Variants in CKAP2 observed in about 807,000 individuals in gnomAD.
CKAP2 encodes cytoskeleton associated protein 2, also known as cytoskeleton-associated protein 2.
CKAP2 carries 46 observed loss-of-function variants against 58.4 expected under a neutral mutation model. The ratio of observed to expected loss-of-function variants is 0.79; its 90% CI spans 0.62 to 1.01. The LOEUF is 1.01. Among genes scored for constraint, CKAP2 ranks in the 50% least tolerant of loss-of-function variants. The pLI is 0.00. For missense variants in CKAP2, 809 were observed against 796.4 expected (o/e 1.02, Z -0.19); for synonymous variants, 293 against 280.9 (o/e 1.04, Z -0.43).
At position 52,461,129 on chromosome 13, in the gene CKAP2, T is replaced by C. The variant is rs925451353; in HGVS notation, c.303T>C (p.Pro101=). ...CAGTGGTGGGGAAACATTGTATTCC[T>C]TTAAAACCTTCAAATGAACTAACCA... ...NNTVVGKHCI[P]LKPSNELTNS... is the part of the protein sequence containing the mutation. Residue 101 remains proline (P), a synonymous_variant, in exon 4 of 9, where the codon CCT becomes CCC. Transcript: ENST00000258607. 6.2e-7 allele frequency: 1 copy of C among 1,612,606 alleles called. No homozygotes were observed. Among genetic ancestry groups the C allele is most frequent in the African/African-American group, 1.3e-5 (1 of 74,854 alleles).
Position 52,468,332 on chromosome 13 carries a change from GA to G in CKAP2, c.1536del (p.Ala513LeufsTer3). 6.3e-7 allele frequency: 1 copy of G among 1,593,690 alleles called. No homozygotes were observed. The highest frequency in any genetic ancestry group is 8.6e-7 in the Non-Finnish European group (1 of 1,168,724). On this transcript the variant is annotated frameshift_variant, in exon 7 of 9. Transcript: ENST00000258607. LOFTEE classifies it high-confidence loss of function. ...AGATATTCTAACAATGAAGAGTCAA[GA>G]AAAAGCTAATTTAGGTAAGTTTTAG... ...IVDILTMKSQ[E>X]KANLGENMEK...
rs776001339 is a variant in CKAP2 at position 52,461,058 on chromosome 13, G to T, written c.232G>T (p.Ala78Ser). 1.8e-5 allele frequency: 29 copies of T among 1,599,144 alleles called. No homozygotes were observed. Among genetic ancestry groups the T allele is most frequent in the Middle Eastern group, 1.7e-4 (1 of 5,966 alleles). Residue 78 changes from alanine (A) to serine (S), a missense_variant and splice_region_variant, in exon 4 of 9, where the codon GCT (alanine) becomes TCT (serine). Around this residue, in one of 3 missense-constraint regions of CKAP2, gnomAD observed 523 missense variants for 492.4 expected, o/e 1.06. Transcript: ENST00000258607. Reference sequence around the variant, plus strand: ...CACTTTTCTTAAATAATTCTTTCAGGCTGATAAAGAAAACATGAAGAGACC... The same window carrying T: ...CACTTTTCTTAAATAATTCTTTCAGTCTGATAAAGAAAACATGAAGAGACC... ...TKVLKLKTKM[A>S]DKENMKRPAE...
rs765648768 is a variant in CKAP2, at chr13:52,462,448, G to C, written c.1186G>C (p.Gly396Arg). The change falls in exon 5 of 9, where the codon GGA becomes CGA. Residue 396 changes from glycine (G) to arginine (R), a missense_variant. Gly to Arg is a moderately radical substitution (Grantham distance 125). This residue lies in a region of CKAP2 where 523 missense variants were observed against 492.4 expected (regional missense o/e 1.06). Transcript: ENST00000258607. ...NSVVTQHEPA[G>R]QNEKPVGSFW... ...AGTAGTTACTCAGCATGAGCCTGCA[G>C]GACAAAATGAAAAACCAGTTGGGTC... is the stretch of plus-strand genomic sequence containing the variant. 1 of 1,614,108 alleles carries C rather than the reference G, an allele frequency of 6.2e-7. No homozygotes were observed.
rs753994419 is a variant in CKAP2, at chr13:52,473,957, C to T, written c.1675C>T (p.Gln559Ter). The change falls in exon 8 of 9, where the codon CAA (glutamine) becomes TAA (stop). Residue 559 changes from glutamine (Q) to a stop codon, truncating the protein, a stop_gained. Transcript: ENST00000258607. LOFTEE classifies it high-confidence loss of function. The stretch of plus-strand genomic sequence containing the variant: ...TAAACTTCATAGAAATTTGCTATTT[C>T]AAGATTGTGAAAAAGAGCAAGACAA... ...ESKLHRNLLF[Q>*]DCEKEQDNKT... 6.2e-7 allele frequency: 1 copy of T among 1,613,936 alleles called. No homozygotes were observed. The highest frequency in any genetic ancestry group is 8.5e-7 in the Non-Finnish European group (1 of 1,179,966).
chr13:52,476,007 T>C lies in CKAP2; in HGVS notation c.*866T>C, dbSNP rs1475053177. On this transcript the variant is annotated 3_prime_UTR_variant, in exon 9 of 9. Coordinates refer to ENST00000258607, the MANE Select transcript of CKAP2 (RefSeq NM_018204.5). ...AAGATAACTGATACTAATACTTGTTTTCTTCCCTATAACATAAAAAACTTC... is the reference window on the plus strand; with the variant it reads ...AAGATAACTGATACTAATACTTGTTCTCTTCCCTATAACATAAAAAACTTC... 6.6e-6 allele frequency: 1 copy of C among 152,212 alleles called. No homozygotes were observed. Among genetic ancestry groups the C allele is most frequent in the Non-Finnish European group, 1.5e-5 (1 of 68,046 alleles). The allele number at this position is 152,212 out of a possible 1,614,324, so 9.4% of individuals were successfully genotyped here.
chr13:52,474,755 T>C (rs562748269), intron 8 of CKAP2, 140 bp from the exon 9 acceptor site: 19 of 788,238 alleles, frequency 2.4e-5, no homozygotes, highest in Non-Finnish European at 3.1e-5. Context: ...TCGGTGAGCT[T>C]ATAGTACCTC....
At position 52,455,574 on chromosome 13, in the gene CKAP2, GC is replaced by G. The variant is rs1374693545; in HGVS notation, c.22del (p.Gln8ArgfsTer28). On this transcript the variant is annotated frameshift_variant, in exon 1 of 9. Coordinates refer to ENST00000258607, the MANE Select transcript of CKAP2 (RefSeq NM_018204.5). LOFTEE classifies it high-confidence loss of function. Reference protein sequence around the residue: MSTPAVPQDLQLPPSQR... With the variant: MSTPAVXQDLQLPPSQR... The stretch of plus-strand genomic sequence containing the variant: ...AGGCTACGATGAGCACACCGGCCGT[GC>G]CCCAGGACCTGCAGCTGCCCCCGAG... The G allele has an allele frequency of 1.2e-6, 2 of 1,612,616 alleles. No individual in the cohort carries two copies. The highest frequency in any genetic ancestry group is 2.7e-5 in the African/African-American group (2 of 74,878).
intron 5 of CKAP2, among the ~76,000 whole-genome samples, chr13:52,463,565 T>TA (rs1410934249): frequency 6.6e-6 from 1 of 152,210 alleles, no homozygotes; most frequent in East Asian, 1.9e-4. Flanking sequence ...TATCAGCTGT[T>TA]AGACAATAGC....
In CKAP2 at chr13:52,461,928, T is replaced by C. The variant is rs752872038; in HGVS notation, c.1100+2T>C. On this transcript the variant is annotated splice_donor_variant, in intron 4 of 8. Transcript: ENST00000258607. LOFTEE classifies it high-confidence loss of function. ...CAAAGAAACCTCGGAAGAGAGAAAGTAAGTAGATATAATTTTCTTTATTAC... is the reference window on the plus strand; with the variant it reads ...CAAAGAAACCTCGGAAGAGAGAAAGCAAGTAGATATAATTTTCTTTATTAC... The C allele has an allele frequency of 6.4e-7, 1 of 1,573,956 alleles. No individual in the cohort carries two copies.
rs1191499989 is a variant in CKAP2, at chr13:52,462,347, C to G, written c.1101-16C>G. The G allele has an allele frequency of 3.8e-6, 6 of 1,599,498 alleles. No homozygotes were observed. The African/African-American group carries it at 8.1e-5, about 22-fold the overall frequency. ...AGCAATTTCAAAGTAACGTTTATAT[C>G]TGCTTCTAACTATAGAGCTCGTCTG... is the stretch of plus-strand genomic sequence containing the variant. On this transcript the variant is annotated splice_polypyrimidine_tract_variant and intron_variant, in intron 4 of 8. Transcript: ENST00000258607.
intron 6 of CKAP2, among the ~76,000 whole-genome samples, chr13:52,467,326 T>C (rs1958695112): frequency 6.6e-6 from 1 of 152,160 alleles, no homozygotes; most frequent in Non-Finnish European, 1.5e-5. Context: ...TCTTCAGAGA[T>C]ACATTTCATA....
chr13:52,474,560 T>C (rs79428960), intron 8 of CKAP2, among the ~76,000 whole-genome samples: 1 of 152,320 alleles, frequency 6.6e-6, no homozygotes, highest in African/African-American at 2.4e-5. Context: ...TCTTAAATAC[T>C]GTATTTACTT....
At chr13:52,456,006 C>T in intron 1 of CKAP2, 7 of 1,065,748 alleles carry the variant, frequency 6.6e-6, no homozygotes, top group Non-Finnish European at 7.9e-6. Context: ...TCTTAGGTCC[C>T]TAGCGAATTT....
intron 6 of CKAP2, among the ~76,000 whole-genome samples, chr13:52,467,052 A>C (rs536873549): frequency 6.4e-4 from 96 of 150,160 alleles, no homozygotes; most frequent in Non-Finnish European, 1.2e-3. Context: ...GTGAGCCATG[A>C]TTATGCCACT....
Position 52,461,668 on chromosome 13 carries a change from G to A in CKAP2, c.842G>A (p.Arg281Gln), listed in dbSNP as rs1232169384. The A allele has an allele frequency of 2.5e-6, 4 of 1,614,044 alleles. No homozygotes were observed. Among genetic ancestry groups the A allele is most frequent in the Middle Eastern group, 1.6e-4 (1 of 6,062 alleles). Residue 281 changes from arginine to glutamine, a missense_variant, in exon 4 of 9, where the codon CGG becomes CAG. Arg to Gln is a conservative substitution (Grantham distance 43). Coordinates refer to ENST00000258607, the MANE Select transcript of CKAP2 (RefSeq NM_018204.5). ...ISRTSANVTIRKGPHEKELLQ... is the reference protein window; with the variant it reads ...ISRTSANVTIQKGPHEKELLQ... The stretch of plus-strand genomic sequence containing the variant: ...AGAACTTCTGCCAATGTTACAATCC[G>A]GAAAGGGCCTCATGAAAAAGAACTA...
intron 6 of CKAP2, among the ~76,000 whole-genome samples, chr13:52,466,728 C>T (rs1434238715): frequency 6.6e-6 from 1 of 152,166 alleles, no homozygotes; most frequent in Non-Finnish European, 1.5e-5. Flanking sequence ...GTCTCAACTA[C>T]TTGGGAGGCC....
intron 1 of CKAP2, 122 bp downstream of exon 1, chr13:52,455,748 G>T: frequency 8.6e-7 from 1 of 1,165,542 alleles, no homozygotes; most frequent in South Asian, 2.3e-5. Context: ...TGAGATCCCT[G>T]AACGCGGCGT....
In CKAP2 at chr13:52,473,055, A is replaced by C. The variant is rs116113094; in HGVS notation, c.1547-774A>C. The stretch of plus-strand genomic sequence containing the variant: ...GGCAGACACCCTGTCTCTAAAAAAA[A>C]AAAAAAAATGTTCTCAGAAATATTT... On this transcript the variant is annotated intron_variant, in intron 7 of 8. Transcript: ENST00000258607. Among the ~76,000 whole-genome samples, 1,124 of 152,186 alleles carry C rather than the reference A, an allele frequency of 7.4e-3. 5 individuals are homozygous for C. Among genetic ancestry groups the C allele is most frequent in the African/African-American group, 0.017 (702 of 41,526 alleles).
At chr13:52,464,553 C>CAAAAAAAAA (rs66481844) in intron 5 of CKAP2, among the ~76,000 whole-genome samples, 1 of 80,130 alleles carries the variant, frequency 1.2e-5, no homozygotes, top group Non-Finnish European at 2.4e-5. Flanking sequence ...AACTCCGTCT[C>CAAAAAAAAA]AAAAAAAAAA....
Sources: gnomAD v4.1 joint callset for allele counts (sites outside exome capture counted in the v4.1 genomes callset) on GRCh38, gnomAD v4.1.1 for gene constraint, gnomAD v4.1.1 regional missense constraint, MANE v1.5 for transcripts, NCBI Gene and HGNC (gene_info 2026-07-23, HGNC 2026-07-21) for gene names.